XDH: variants seen among roughly 807,000 people sequenced by gnomAD.
XDH encodes xanthine dehydrogenase/oxidase.
XDH carries 138 observed loss-of-function variants against 156.1 expected under a neutral mutation model. That is an observed-to-expected ratio of 0.88 (90% confidence interval 0.77 to 1.02). The LOEUF (loss-of-function observed/expected upper bound fraction) is 1.02. Among genes scored for constraint, XDH ranks in the 50% least tolerant of loss-of-function variants. XDH has a pLI of 0.00. For missense variants in XDH, 1,849 were observed against 1,684.9 expected (o/e 1.10, Z -1.71); for synonymous variants, 669 against 625.7 (o/e 1.07, Z -1.03).
intron 11 of XDH, among the ~76,000 whole-genome samples, chr2:31,381,939 A>G (rs993052567): frequency 6.6e-6 from 1 of 151,986 alleles, no homozygotes; most frequent in Non-Finnish European, 1.5e-5. Flanking sequence ...TTGGATCCCC[A>G]CTCTAAAATT....
intron 24 of XDH, among the ~76,000 whole-genome samples, chr2:31,352,885 CT>C (rs35724511): frequency 1.2e-3 from 163 of 140,314 alleles, no homozygotes; most frequent in African/African-American, 2.9e-3. Flanking sequence ...AAACTTTAAC[CT>C]TTTTTTTTTT....
chr2:31,408,221 G>A (rs1414754138), intron 1 of XDH, among the ~76,000 whole-genome samples: 1 of 152,068 alleles, frequency 6.6e-6, no homozygotes, highest in African/African-American at 2.4e-5. Flanking sequence ...TCTAATTCCT[G>A]TGCCTTTGAC....
At chr2:31,380,786 C>G (rs1358504763) in intron 12 of XDH, among the ~76,000 whole-genome samples, 2 of 152,128 alleles carry the variant, frequency 1.3e-5, no homozygotes, top group African/African-American at 4.8e-5. Context: ...AATATCAGAG[C>G]CGGGGTGGTC....
rs1686383681 is a variant in XDH, at chr2:31,379,887, C to T, written c.1222G>A (p.Glu408Lys). ...LSPEEILLSI[E>K]IPYSREGEYF... is the part of the protein sequence containing the mutation. ...CTCACCTCCCTGCTGTAGGGGATCT[C>T]TATGGAGAGCAGTATCTCCTCCGGG... Residue 408 changes from glutamate to lysine, a missense_variant, in exon 13 of 36, where the codon GAG (glutamate) becomes AAG (lysine). Physicochemically the swap from Glu to Lys is moderately conservative, Grantham distance 56. Transcript: ENST00000379416. 1.2e-6 allele frequency: 2 copies of T among 1,614,198 alleles called. No homozygotes were observed. Among genetic ancestry groups the T allele is most frequent in the Non-Finnish European group, 8.5e-7 (1 of 1,180,028 alleles).
At chr2:31,344,612 G>A (rs551653740) in intron 31 of XDH, 72 bp downstream of exon 31, 44 of 1,559,586 alleles carry the variant, frequency 2.8e-5, no homozygotes, top group South Asian at 2.4e-4. Flanking sequence ...GGCAGGATTC[G>A]GTGCTGGAGT....
intron 4 of XDH, among the ~76,000 whole-genome samples, chr2:31,398,948 T>C (rs1307079539): frequency 6.6e-6 from 1 of 152,218 alleles, no homozygotes; most frequent in East Asian, 1.9e-4. Context: ...GAGGATTAAC[T>C]GAGATATTCA....
At chr2:31,403,211 C>A in intron 2 of XDH, 67 bp from the exon 3 acceptor site, 1 of 1,548,600 alleles carries the variant, frequency 6.5e-7, no homozygotes, top group Non-Finnish European at 8.9e-7. Context: ...TAGGAAATGC[C>A]TGGGCAGAGC....
At chr2:31,350,654 A>T (rs45583538) in intron 24 of XDH, among the ~76,000 whole-genome samples, 3 of 152,130 alleles carry the variant, frequency 2.0e-5, no homozygotes, top group Admixed American at 2.0e-4. Flanking sequence ...GATTACAGGC[A>T]TGAGCCCAGC....
chr2:31,413,594 G>A (rs975928113), intron 1 of XDH, among the ~76,000 whole-genome samples: 2 of 152,166 alleles, frequency 1.3e-5, no homozygotes, highest in African/African-American at 4.8e-5. Context: ...GCACATTATT[G>A]TTCTTGAAAA....
At position 31,401,219 on chromosome 2, in the gene XDH, C is replaced by T; in HGVS notation, c.306+1G>A. On this transcript the variant is annotated splice_donor_variant, in intron 4 of 35. Coordinates refer to ENST00000379416, the MANE Select transcript of XDH (RefSeq NM_000379.4). LOFTEE classifies it high-confidence loss of function. ...AGCACAGCTCCCTTTCCTCTGTTTA[C>T]CTGCACAGGATGCAGCCTCGTCTTG... 1 of 1,614,128 alleles carries T rather than the reference C, an allele frequency of 6.2e-7. No homozygotes were observed. Among genetic ancestry groups the T allele is most frequent in the Non-Finnish European group, 8.5e-7 (1 of 1,180,022 alleles).
Position 31,349,799 on chromosome 2 carries a change from G to A in XDH, c.2856C>T (p.Asp952=). 1.2e-6 allele frequency: 2 copies of A among 1,614,100 alleles called. No individual in the cohort carries two copies. The highest frequency in any genetic ancestry group is 1.7e-6 in the Non-Finnish European group (2 of 1,180,040). Reference sequence around the variant, plus strand: ...CAAGCTTCTGGTTGAAGTGTGTCAGGTCCCCTTCTTTGTACAGGTTTTTTC... The same window carrying A: ...CAAGCTTCTGGTTGAAGTGTGTCAGATCCCCTTCTTTGTACAGGTTTTTTC... The part of the protein sequence containing the change: ...VRRKNLYKEG[D]LTHFNQKLEG... Residue 952 remains aspartate (D), a synonymous_variant, in exon 26 of 36, where the codon GAC becomes GAT. Transcript: ENST00000379416.
rs755754764 is a variant in XDH, at chr2:31,381,709, G to A, written c.1056C>T (p.Ile352=). 2 of 1,613,774 alleles carry A rather than the reference G, an allele frequency of 1.2e-6. No individual in the cohort carries two copies. The highest frequency in any genetic ancestry group is 1.7e-6 in the Non-Finnish European group (2 of 1,179,884). Residue 352 remains isoleucine, a synonymous_variant, in exon 12 of 36, where the codon ATC becomes ATT. Transcript: ENST00000379416. ...GGTCGGAGATGGGGCTGGCAGTGATGATGTTCCCTCCAACGGACTAAAACA... is the reference window on the plus strand; with the variant it reads ...GGTCGGAGATGGGGCTGGCAGTGATAATGTTCCCTCCAACGGACTAAAACA... ...VKSVASVGGN[I]ITASPISDLN...
chr2:31,380,269 T>C (rs1686402543), intron 12 of XDH, among the ~76,000 whole-genome samples: 1 of 152,306 alleles, frequency 6.6e-6, no homozygotes, highest in East Asian at 1.9e-4. Context: ...CAAAGTTGCA[T>C]CACTGAATGT....
At chr2:31,378,550 G>A (rs1474712022) in intron 13 of XDH, among the ~76,000 whole-genome samples, 3 of 152,128 alleles carry the variant, frequency 2.0e-5, no homozygotes, top group African/African-American at 7.2e-5. Flanking sequence ...TGATGATAAA[G>A]CTAGCTCAGC....
At chr2:31,370,517 C>G in intron 17 of XDH, 39 bp from the exon 18 acceptor site, 1 of 1,612,844 alleles carries the variant, frequency 6.2e-7, no homozygotes, top group South Asian at 1.1e-5. Context: ...GGTCAGCAAG[C>G]TGGAGCAGGG....
intron 24 of XDH, among the ~76,000 whole-genome samples, chr2:31,354,234 TCCAC>T (rs1161111472): frequency 6.6e-6 from 1 of 152,196 alleles, no homozygotes; most frequent in Non-Finnish European, 1.5e-5. Flanking sequence ...TGAGGTGGCA[TCCAC>T]CACTGCTAGA....
intron 24 of XDH, among the ~76,000 whole-genome samples, chr2:31,352,061 T>A (rs916040908): frequency 6.6e-6 from 1 of 152,206 alleles, no homozygotes; most frequent in Non-Finnish European, 1.5e-5. Flanking sequence ...TTTTTTGAAT[T>A]ATTGATAGCT....
chr2:31,370,434 C>CA lies in XDH; in HGVS notation c.1900dup (p.Cys634LeufsTer6). Reference sequence around the variant, plus strand: ...AGGAACATCATCAGCGGAAATGAAACAAACAAACCCTGGAACCTTCTTAGC... The same window carrying CA: ...AGGAACATCATCAGCGGAAATGAAACAAAACAAACCCTGGAACCTTCTTAGC... On this transcript the variant is annotated frameshift_variant, in exon 18 of 36. Coordinates refer to ENST00000379416, the MANE Select transcript of XDH (RefSeq NM_000379.4). LOFTEE classifies it high-confidence loss of function. 1 of 1,614,152 alleles carries CA rather than the reference C, an allele frequency of 6.2e-7. No individual in the cohort carries two copies. The highest frequency in any genetic ancestry group is 8.5e-7 in the Non-Finnish European group (1 of 1,180,018).
chr2:31,336,810 ATTT>A, intron 35 of XDH, among the ~76,000 whole-genome samples: 1 of 145,094 alleles, frequency 6.9e-6, no homozygotes, highest in Non-Finnish European at 1.5e-5. Flanking sequence ...AGCATATCGA[ATTT>A]TAAAAAGAGA....
Sources: gnomAD v4.1 joint callset for allele counts (sites outside exome capture counted in the v4.1 genomes callset) on GRCh38, gnomAD v4.1.1 for gene constraint, MANE v1.5 for transcripts, NCBI Gene and HGNC (gene_info 2026-07-23, HGNC 2026-07-21) for gene names.